The following TRMT11 variants were observed in gnomAD, a reference collection of about 807,000 sequenced individuals.
TRMT11 encodes the protein tRNA methyltransferase 11.
A neutral mutation model predicts 62.8 loss-of-function variants in TRMT11; 53 were observed. The ratio of observed to expected loss-of-function variants is 0.84; its 90% confidence interval spans 0.68 to 1.06. TRMT11 has a LOEUF of 1.06. Among genes scored for constraint, TRMT11 ranks in the 50% least tolerant of loss-of-function variants. The pLI, the probability that TRMT11 is intolerant of heterozygous loss-of-function variation, is 0.00. For synonymous variants in TRMT11, 188 were observed against 190.3 expected (o/e 0.99, Z 0.10); for missense variants, 556 against 553.4 (o/e 1.00, Z -0.05).
At chr6:126,174,087 G>A (rs1373617914), upstream of TRMT11, among the ~76,000 whole-genome samples, 1 of 152,138 alleles carries the variant, frequency 6.6e-6, no homozygotes, top group Non-Finnish European at 1.5e-5. Flanking sequence ...TGGAGCACTG[G>A]CCTTGGCAAC....
intron 1 of TRMT11, among the ~76,000 whole-genome samples, chr6:125,990,396 C>T (rs1235737236): frequency 6.6e-6 from 1 of 152,110 alleles, no homozygotes; most frequent in Admixed American, 6.5e-5. Context: ...TTTTTGACAT[C>T]CTAGTGTAAA....
In TRMT11 at chr6:126,193,864, G is replaced by A. The variant is rs191632436; in HGVS notation, n.144-4935G>A. Among the ~76,000 whole-genome samples the A allele has an allele frequency of 4.6e-3, 700 of 152,092 alleles. 7 individuals are homozygous for A. Among genetic ancestry groups the A allele is most frequent in the African/African-American group, 0.015 (629 of 41,490 alleles). On this transcript the variant is annotated intron_variant and non_coding_transcript_variant, in intron 1 of 3. Transcript: ENST00000444229. ...CCCTTTTGCTGTATTTCATGGTACA[G>A]TATGTTGTGTTTCATTTGAATTTTA... is the stretch of plus-strand genomic sequence containing the variant.
chr6:126,172,221 G>A (rs1475163512), upstream of TRMT11, among the ~76,000 whole-genome samples: 3 of 152,132 alleles, frequency 2.0e-5, no homozygotes, highest in Middle Eastern at 3.4e-3. Flanking sequence ...GCATCATTAA[G>A]TTTAGCTGAG....
chr6:125,990,605 G>A (rs1214597837), intron 1 of TRMT11, among the ~76,000 whole-genome samples: 1 of 152,122 alleles, frequency 6.6e-6, no homozygotes, highest in Non-Finnish European at 1.5e-5. Flanking sequence ...ATCTTTCTAT[G>A]CCTTCAATTA....
In TRMT11 at chr6:126,008,453, C is replaced by T; in HGVS notation, c.741C>T (p.Tyr247=). 6.2e-7 allele frequency: 1 copy of T among 1,612,842 alleles called. No individual in the cohort carries two copies. The highest frequency in any genetic ancestry group is 8.5e-7 in the Non-Finnish European group (1 of 1,179,018). The stretch of plus-strand genomic sequence containing the variant: ...ATGTGTATGGGACAGACATAGACTA[C>T]AACACAGTTCATGGCTTGGGTGAGT... The part of the protein sequence containing the change: ...GAYVYGTDID[Y]NTVHGLGKAT... Residue 247 remains tyrosine (Y), a synonymous_variant, in exon 8 of 13, where the codon TAC becomes TAT. Transcript: ENST00000334379.
In TRMT11 at chr6:125,998,796, T is replaced by G. The variant is rs893481185; in HGVS notation, c.522+112T>G. 1.0e-5 allele frequency: 10 copies of G among 986,722 alleles called. No homozygotes were observed. The African/African-American group carries it at 1.5e-4, about 14-fold the overall frequency. 61.1% of individuals were successfully genotyped at this position (986,722 alleles called of 1,614,324 possible). Reference sequence around the variant, plus strand: ...AAAGCAGCTGAAGAGTCAGAACTACTGAATGGATTAAAATTGGTGAAGAGT... The same window carrying G: ...AAAGCAGCTGAAGAGTCAGAACTACGGAATGGATTAAAATTGGTGAAGAGT... On this transcript the variant is annotated intron_variant, in intron 6 of 12. Coordinates refer to ENST00000334379, the MANE Select transcript of TRMT11 (RefSeq NM_001031712.3).
At chr6:126,211,967 C>G in the TRMT11 span, among the ~76,000 whole-genome samples, 3 of 152,136 alleles carry the variant, frequency 2.0e-5, no homozygotes, top group Non-Finnish European at 1.5e-5. Flanking sequence ...CTTTTACTCT[C>G]TAAGAGTTCA....
At chr6:126,007,035 T>C (rs1583683393) in intron 7 of TRMT11, 1 of 152,142 alleles carries the variant, frequency 6.6e-6, no homozygotes, top group East Asian at 1.9e-4. Flanking sequence ...TTCCAAGTCA[T>C]CACTTATGCT....
chr6:126,119,896 T>C (rs1777630869), intron 21 of TRMT11, among the ~76,000 whole-genome samples: 1 of 152,126 alleles, frequency 6.6e-6, no homozygotes, highest in African/African-American at 2.4e-5. Context: ...TGGGACATTA[T>C]TTAAAATAGC....
intron 7 of TRMT11, among the ~76,000 whole-genome samples, chr6:126,007,640 ATTAT>A (rs1008381647): frequency 1.3e-5 from 2 of 152,052 alleles, no homozygotes; most frequent in African/African-American, 4.8e-5. Context: ...GAGTTTCATT[ATTAT>A]TTTAACCTTT....
chr6:126,161,940 G>C (rs926861367), intron 21 of TRMT11, among the ~76,000 whole-genome samples: 1 of 147,920 alleles, frequency 6.8e-6, no homozygotes, highest in African/African-American at 2.4e-5. Context: ...TATCAAAAGT[G>C]GATATCCATC....
intron 21 of TRMT11, among the ~76,000 whole-genome samples, chr6:126,116,270 G>C (rs192654164): frequency 8.5e-5 from 13 of 152,096 alleles, no homozygotes; most frequent in African/African-American, 3.1e-4. Flanking sequence ...GTGAGAAGAA[G>C]ATGCTAGAAT....
At chr6:126,201,578 A>C (rs1778734955) in intron 3 of TRMT11, among the ~76,000 whole-genome samples, 1 of 152,192 alleles carries the variant, frequency 6.6e-6, no homozygotes, top group African/African-American at 2.4e-5. Flanking sequence ...GTTTTTGTGC[A>C]AATGATATTT....
intron 17 of TRMT11, among the ~76,000 whole-genome samples, chr6:126,059,130 C>T (rs1434641371): frequency 6.7e-5 from 10 of 149,862 alleles, no homozygotes; most frequent in African/African-American, 1.3e-4. Flanking sequence ...GTGATCTTTC[C>T]GCCTTGGCCT....
chr6:126,077,757 A>G (rs1224097351), intron 17 of TRMT11, among the ~76,000 whole-genome samples: 1 of 152,200 alleles, frequency 6.6e-6, no homozygotes, highest in Non-Finnish European at 1.5e-5. Context: ...CCTTTTTCAC[A>G]ACCTAGTTTG....
the TRMT11 span, among the ~76,000 whole-genome samples, chr6:126,245,879 C>A: frequency 6.6e-6 from 1 of 152,134 alleles, no homozygotes; most frequent in East Asian, 1.9e-4. Flanking sequence ...GGGAGAATCA[C>A]TTGAGCCTAG....
At chr6:126,026,855 T>G (rs1469492593) in intron 12 of TRMT11, among the ~76,000 whole-genome samples, 3 of 142,634 alleles carry the variant, frequency 2.1e-5, no homozygotes, top group Non-Finnish European at 4.5e-5. Flanking sequence ...CAGGATGGAG[T>G]GCAGTGGCGG....
At chr6:126,171,301 T>A (rs1562339963) in intron 21 of TRMT11, among the ~76,000 whole-genome samples, 1 of 151,896 alleles carries the variant, frequency 6.6e-6, no homozygotes, top group Non-Finnish European at 1.5e-5. Flanking sequence ...AATGGGAGTG[T>A]TTGTGGTAAC....
chr6:126,225,877 A>G, the TRMT11 span, among the ~76,000 whole-genome samples: 31 of 151,938 alleles, frequency 2.0e-4, no homozygotes, highest in Non-Finnish European at 3.5e-4. Context: ...TTTAGTACAG[A>G]TGGGGTTTCA....
Sources: allele counts gnomAD v4.1 joint callset (sites outside exome capture counted in the v4.1 genomes callset), GRCh38; gene constraint gnomAD v4.1.1; transcripts MANE v1.5; gene names NCBI Gene and HGNC (gene_info 2026-07-23, HGNC 2026-07-21).